Variants in ACTR3C observed in about 807,000 individuals in gnomAD.
ACTR3C encodes actin-related protein 3C.
A neutral mutation model predicts 26.3 loss-of-function variants in ACTR3C; 18 were observed. The ratio of observed to expected loss-of-function variants is 0.68; its 90% CI spans 0.47 to 1.01. The LOEUF is 1.01. Among genes scored for constraint, ACTR3C ranks in the 50% least tolerant of loss-of-function variants. ACTR3C has a pLI of 0.00. For missense variants in ACTR3C, 184 were observed against 250.7 expected (o/e 0.73, Z 1.80); for synonymous variants, 55 against 94.5 (o/e 0.58, Z 2.42).
At chr7:150,083,013 A>C in the ACTR3C span, among the ~76,000 whole-genome samples, 3 of 137,978 alleles carry the variant, frequency 2.2e-5, no homozygotes, top group African/African-American at 8.3e-5. Context: ...TGGTGCCATC[A>C]TAGCTCACTG....
chr7:150,206,112 G>A, the ACTR3C span, among the ~76,000 whole-genome samples: 1 of 152,108 alleles, frequency 6.6e-6, no homozygotes, highest in South Asian at 2.1e-4. Context: ...CACTTTTCAG[G>A]GCCTCATGAT....
chr7:150,037,734 GTCTGGCTCTCAGTCCCC>G, the ACTR3C span, among the ~76,000 whole-genome samples: 3 of 88,536 alleles, frequency 3.4e-5, no homozygotes, highest in Non-Finnish European at 7.5e-5. Context: ...GGGGAAGAGG[GTCTGGCTCTCAGTCCCC>G]ACCCTCGCGG....
chr7:150,139,812 T>C, the ACTR3C span, among the ~76,000 whole-genome samples: 2 of 152,076 alleles, frequency 1.3e-5, no homozygotes, highest in Non-Finnish European at 2.9e-5. Context: ...TAGCCAACTG[T>C]GAAACACTGG....
the ACTR3C span, among the ~76,000 whole-genome samples, chr7:150,084,047 A>G: frequency 6.6e-6 from 1 of 152,152 alleles, no homozygotes; most frequent in Non-Finnish European, 1.5e-5. Flanking sequence ...TTTTCCAAAA[A>G]CTTTTGTAGA....
chr7:150,177,351 T>C, the ACTR3C span, among the ~76,000 whole-genome samples: 1 of 150,912 alleles, frequency 6.6e-6, no homozygotes, highest in East Asian at 1.9e-4. Context: ...ATAGATCCAG[T>C]TGACCTTTGA....
the ACTR3C span, among the ~76,000 whole-genome samples, chr7:150,131,487 A>G: frequency 6.6e-6 from 1 of 151,940 alleles, no homozygotes; most frequent in East Asian, 1.9e-4. Context: ...CCTCCTCAGA[A>G]CTCTGCAAAA....
chr7:150,011,431 A>C, the ACTR3C span, among the ~76,000 whole-genome samples: 1 of 152,078 alleles, frequency 6.6e-6, no homozygotes, highest in African/African-American at 2.4e-5. Context: ...TAAATATATA[A>C]AAAATTAGCC....
the ACTR3C span, among the ~76,000 whole-genome samples, chr7:150,140,497 G>A: frequency 3.3e-5 from 5 of 151,864 alleles, no homozygotes; most frequent in South Asian, 2.1e-4. Flanking sequence ...CGATCAGTGC[G>A]GCAAACCTCA....
the ACTR3C span, among the ~76,000 whole-genome samples, chr7:150,132,926 A>G: frequency 1.3e-5 from 2 of 152,324 alleles, no homozygotes; most frequent in East Asian, 3.9e-4. Context: ...CCATAAAAAA[A>G]GAATGAAACC....
At chr7:150,212,504 CATTAT>C in the ACTR3C span, among the ~76,000 whole-genome samples, 4 of 148,690 alleles carry the variant, frequency 2.7e-5, no homozygotes, top group African/African-American at 1.0e-4. Flanking sequence ...ATGTTCTATC[CATTAT>C]ATTAAACTTT....
chr7:150,082,158 C>G, the ACTR3C span, among the ~76,000 whole-genome samples: 2 of 152,184 alleles, frequency 1.3e-5, no homozygotes, highest in Non-Finnish European at 2.9e-5. Context: ...TTTCCATATA[C>G]AGGGACACTT....
At chr7:149,890,184 C>T in the ACTR3C span, among the ~76,000 whole-genome samples, 2 of 152,082 alleles carry the variant, frequency 1.3e-5, no homozygotes, top group South Asian at 4.2e-4. Flanking sequence ...TGACAATGTA[C>T]TTGCATGAAA....
chr7:150,167,650 C>G, the ACTR3C span, among the ~76,000 whole-genome samples: 1 of 150,614 alleles, frequency 6.6e-6, no homozygotes, highest in African/African-American at 2.5e-5. Flanking sequence ...ATGTTATGGG[C>G]TATACAACTT....
At chr7:150,214,548 G>C in the ACTR3C span, among the ~76,000 whole-genome samples, 1 of 151,622 alleles carries the variant, frequency 6.6e-6, no homozygotes, top group Non-Finnish European at 1.5e-5. Context: ...TTGGAAAAAT[G>C]ATGAGCCTCA....
the ACTR3C span, among the ~76,000 whole-genome samples, chr7:150,039,715 G>T: frequency 2.1e-5 from 3 of 145,160 alleles, no homozygotes; most frequent in Admixed American, 2.1e-4. Context: ...AGAGGGTCTG[G>T]CTCTCAGTCC....
the ACTR3C span, among the ~76,000 whole-genome samples, chr7:149,979,599 T>A: frequency 2.0e-5 from 3 of 152,194 alleles, no homozygotes; most frequent in Non-Finnish European, 4.4e-5. Flanking sequence ...TTCCACTCAA[T>A]TATTTTGAGT....
At chr7:149,905,241 A>G in the ACTR3C span, among the ~76,000 whole-genome samples, 1 of 152,146 alleles carries the variant, frequency 6.6e-6, no homozygotes, top group Admixed American at 6.5e-5. Flanking sequence ...ACACAGATAA[A>G]TACATCAAAG....
the ACTR3C span, among the ~76,000 whole-genome samples, chr7:149,895,509 C>T: frequency 4.6e-5 from 7 of 152,266 alleles, no homozygotes; most frequent in African/African-American, 1.7e-4. Context: ...GATAAAAACA[C>T]ACAATGTTAT....
chr7:150,151,796 G>A, the ACTR3C span, among the ~76,000 whole-genome samples: 3 of 135,748 alleles, frequency 2.2e-5, 1 homozygote, highest in South Asian at 3.0e-4. Flanking sequence ...GAGTTATTGG[G>A]TGCAGCACAC....
Sources: gnomAD v4.1 joint callset for allele counts (sites outside exome capture counted in the v4.1 genomes callset) on GRCh38, gnomAD v4.1.1 for gene constraint, MANE v1.5 for transcripts, NCBI Gene and HGNC (gene_info 2026-07-23, HGNC 2026-07-21) for gene names.